BMPR1B: variants seen among roughly 807,000 people sequenced by gnomAD.
BMPR1B encodes bone morphogenetic protein receptor type 1B.
In BMPR1B, 12 loss-of-function variants were observed where a neutral mutation model predicts 59.1. The observed-to-expected ratio is 0.20, with a 90% CI of 0.13 to 0.33. The LOEUF (loss-of-function observed/expected upper bound fraction) is 0.33, where lower values mean the gene tolerates loss of function less well. BMPR1B is among the 10% of genes least tolerant of loss of function. The pLI, the probability that BMPR1B is intolerant of heterozygous loss-of-function variation, is 1.00. For missense variants in BMPR1B, 550 were observed against 610.9 expected, an observed-to-expected ratio of 0.90 and a Z score of 1.05; for synonymous variants, 237 against 207.3, an observed-to-expected ratio of 1.14 and a Z score of -1.23.
chr4:95,125,830 C>A (rs1165089007), intron 8 of BMPR1B, among the ~76,000 whole-genome samples: 2 of 152,110 alleles, frequency 1.3e-5, no homozygotes, highest in Admixed American at 1.3e-4. Context: ...GGTAAAATAT[C>A]CTAATACCCA....
intron 3 of BMPR1B, among the ~76,000 whole-genome samples, chr4:95,070,348 G>C (rs953654962): frequency 1.3e-5 from 2 of 152,246 alleles, no homozygotes; most frequent in Middle Eastern, 6.8e-3. Flanking sequence ...TGGGCATAGC[G>C]AATATAAGAG....
At position 94,967,722 on chromosome 4, in the gene BMPR1B, G is replaced by A. The variant is rs529905022; in HGVS notation, c.-112-28318G>A. Among the ~76,000 whole-genome samples the A allele has an allele frequency of 1.9e-3, 287 of 152,128 alleles. 1 individual carries two copies. The highest frequency in any genetic ancestry group is 2.3e-3 in the Non-Finnish European group (153 of 67,988). ...TGGTCTCGAACTCCTGACCTCAAGT[G>A]AGCGCCTGCCTCAGCCTCCCAAAGT... On this transcript the variant is annotated intron_variant, in intron 2 of 12. Coordinates refer to ENST00000515059, the MANE Select transcript of BMPR1B (RefSeq NM_001203.3).
In BMPR1B at chr4:94,864,841, G is replaced by T. The variant is rs372432448; in HGVS notation, c.-182-10990G>T. ...CTTTAAAAAAAATTTTCAATCTGTT[G>T]TTGGTAAAACCCATAGTTACAGAGG... On this transcript the variant is annotated intron_variant, in intron 1 of 12. Coordinates refer to ENST00000515059, the MANE Select transcript of BMPR1B (RefSeq NM_001203.3). Among the ~76,000 whole-genome samples, 5 of 152,074 alleles carry T rather than the reference G, an allele frequency of 3.3e-5. No individual in the cohort carries two copies. The East Asian group carries it at 9.6e-4, about 29-fold the overall frequency.
At chr4:94,775,391 T>C (rs752353164) in intron 1 of BMPR1B, among the ~76,000 whole-genome samples, 1 of 152,226 alleles carries the variant, frequency 6.6e-6, no homozygotes, top group African/African-American at 2.4e-5. Context: ...GCCCAAAAAT[T>C]ATTTGATCGC....
rs1735359287 is a variant in BMPR1B, at chr4:95,155,507, T to TTC, written c.*834_*835insTC. The stretch of plus-strand genomic sequence containing the variant: ...TTTTTTTTTTTTTTTTTTTTTTTTT[T>TTC]AATGTGCAGAGGATTGACCTGTGCA... On this transcript the variant is annotated 3_prime_UTR_variant, in exon 13 of 13. Coordinates refer to ENST00000515059, the MANE Select transcript of BMPR1B (RefSeq NM_001203.3). 9.1e-6 allele frequency: 1 copy of TTC among 110,214 alleles called. No individual in the cohort carries two copies. The highest frequency in any genetic ancestry group is 1.8e-5 in the Non-Finnish European group (1 of 55,796). 6.8% of individuals were successfully genotyped at this position (110,214 alleles called of 1,614,324 possible).
In BMPR1B at chr4:95,136,147, A is replaced by G. The variant is rs78241379; in HGVS notation, c.1076+4635A>G. On this transcript the variant is annotated intron_variant, in intron 10 of 12. Coordinates refer to ENST00000515059, the MANE Select transcript of BMPR1B (RefSeq NM_001203.3). The stretch of plus-strand genomic sequence containing the variant: ...ATGTGGTTTTTGTCTTTGCTAGGCA[A>G]TAATTAATAGCCTACCAACCAAAAA... 4.0e-5 allele frequency among the ~76,000 whole-genome samples: 6 copies of G among 151,190 alleles called. No homozygotes were observed. In the East Asian group the frequency reaches 7.8e-4, roughly 20 times the overall value.
At chr4:95,122,143 C>A (rs1332858416) in intron 6 of BMPR1B, among the ~76,000 whole-genome samples, 1 of 152,080 alleles carries the variant, frequency 6.6e-6, no homozygotes, top group Admixed American at 6.6e-5. Flanking sequence ...TTGAGACCAG[C>A]CGGGCCAACG....
intron 2 of BMPR1B, among the ~76,000 whole-genome samples, chr4:94,973,991 T>G (rs1470544394): frequency 1.3e-5 from 2 of 152,220 alleles, no homozygotes; most frequent in Non-Finnish European, 2.9e-5. Context: ...CAGATTGCTT[T>G]CCAGAATGTT....
chr4:94,769,105 C>T (rs1411292673), intron 1 of BMPR1B, among the ~76,000 whole-genome samples: 3 of 152,144 alleles, frequency 2.0e-5, no homozygotes, highest in African/African-American at 7.2e-5. Flanking sequence ...TACTCTAATT[C>T]CTTTTCTAAA....
At position 94,854,723 on chromosome 4, in the gene BMPR1B, ACCTAGCAAG is replaced by A. The variant is rs1259749730; in HGVS notation, c.-182-21103_-182-21095del. ...GGGACAGTCTCCTGTATTGCAGTAA[ACCTAGCAAG>A]CCTATTCTTGGCCCATGAAAAGAAA... On this transcript the variant is annotated intron_variant, in intron 1 of 12. Coordinates refer to ENST00000515059, the MANE Select transcript of BMPR1B (RefSeq NM_001203.3). Among the ~76,000 whole-genome samples, 4 of 152,146 alleles carry A rather than the reference ACCTAGCAAG, an allele frequency of 2.6e-5. No individual in the cohort carries two copies. In the South Asian group the frequency reaches 6.2e-4, roughly 24 times the overall value.
chr4:94,771,667 C>A (rs1193346859), intron 1 of BMPR1B, among the ~76,000 whole-genome samples: 1 of 152,132 alleles, frequency 6.6e-6, no homozygotes, highest in Non-Finnish European at 1.5e-5. Context: ...GTTAATATAA[C>A]ATTTCTATAC....
intron 3 of BMPR1B, among the ~76,000 whole-genome samples, chr4:95,039,605 A>G (rs1725506295): frequency 6.6e-6 from 1 of 152,186 alleles, no homozygotes; most frequent in Non-Finnish European, 1.5e-5. Context: ...TTCTAAGAGC[A>G]GGTAAGGGAA....
intron 1 of BMPR1B, among the ~76,000 whole-genome samples, chr4:94,801,600 C>G (rs1723408300): frequency 6.6e-6 from 1 of 152,168 alleles, no homozygotes; most frequent in Admixed American, 6.5e-5. Context: ...TGACTACTAT[C>G]TATAGTACTA....
intron 6 of BMPR1B, among the ~76,000 whole-genome samples, chr4:95,123,191 T>G (rs1366952513): frequency 6.6e-6 from 1 of 152,160 alleles, no homozygotes; most frequent in Non-Finnish European, 1.5e-5. Context: ...TATCATACAT[T>G]CTTTGGCTGG....
chr4:94,793,803 G>A (rs2110607429), intron 1 of BMPR1B, among the ~76,000 whole-genome samples: 1 of 149,908 alleles, frequency 6.7e-6, no homozygotes, highest in South Asian at 2.1e-4. Flanking sequence ...TTTTTTGGCT[G>A]CATAAATGTC....
intron 10 of BMPR1B, among the ~76,000 whole-genome samples, chr4:95,139,158 G>T (rs1005508602): frequency 1.2e-4 from 19 of 152,196 alleles, no homozygotes; most frequent in Admixed American, 2.0e-4. Context: ...CTGCAGGTCT[G>T]TTGGAGTTTG....
At chr4:95,068,210 A>G (rs1727997955) in intron 3 of BMPR1B, among the ~76,000 whole-genome samples, 1 of 148,840 alleles carries the variant, frequency 6.7e-6, no homozygotes, top group Non-Finnish European at 1.5e-5. Flanking sequence ...TCTTGAGAAG[A>G]AAAGTAACAT....
chr4:94,973,707 G>A lies in BMPR1B; in HGVS notation c.-112-22333G>A, dbSNP rs556687341. Among the ~76,000 whole-genome samples the A allele has an allele frequency of 2.8e-4, 43 of 152,236 alleles. No homozygotes were observed. In the East Asian group the frequency reaches 6.2e-3, roughly 22 times the overall value. ...TTCAGGCTTTGTGACTGAGGGTGGG[G>A]TTTCGCTGCCCTTTCTGCCTAGAAT... On this transcript the variant is annotated intron_variant, in intron 2 of 12. Transcript: ENST00000515059.
At chr4:94,815,833 T>C (rs1051999866) in intron 1 of BMPR1B, among the ~76,000 whole-genome samples, 7 of 152,254 alleles carry the variant, frequency 4.6e-5, no homozygotes, top group Non-Finnish European at 1.0e-4. Context: ...ATTGCTGTTA[T>C]ACCCAATTTT....
Sources: gnomAD v4.1 joint callset for allele counts (sites outside exome capture counted in the v4.1 genomes callset) on GRCh38, gnomAD v4.1.1 for gene constraint, MANE v1.5 for transcripts, NCBI Gene and HGNC (gene_info 2026-07-23, HGNC 2026-07-21) for gene names.